The following FGF13 variants were observed in gnomAD, a reference collection of about 807,000 sequenced individuals.
FGF13 encodes the protein fibroblast growth factor homologous factor 2.
In FGF13, 2 loss-of-function variants were observed where a neutral mutation model predicts 19.5. That is an observed-to-expected ratio of 0.10 (90% CI 0.04 to 0.32). FGF13 has a LOEUF of 0.32. Among genes scored for constraint, FGF13 ranks in the 10% least tolerant of loss-of-function variants. The probability of loss-of-function intolerance (pLI) is 1.00; values close to 1 mark genes in which losing one functional copy is unlikely to be tolerated. For synonymous variants in FGF13, 72 were observed against 76.9 expected (o/e 0.94, Z 0.33); for missense variants, 113 against 192.7 (o/e 0.59, Z 2.45).
chrX:138,811,038 G>A lies in FGF13; in HGVS notation c.217+46474C>T, dbSNP rs193251883. Among the ~76,000 whole-genome samples, 244 of 112,198 alleles carry A rather than the reference G, an allele frequency of 2.2e-3. 2 individuals are homozygous for A. The highest frequency in any genetic ancestry group is 6.9e-3 in the African/African-American group (212 of 30,865). On this transcript the variant is annotated intron_variant, in intron 3 of 6. Coordinates refer to the FGF13 transcript ENST00000436198. ...CAACCATTGTGGAAGACAGTGTGGC[G>A]ATTCCTTAAGGATCTAGAACTAGAA...
At chrX:138,902,973 T>A in intron 1 of FGF13, among the ~76,000 whole-genome samples, 1 of 111,113 alleles carries the variant, frequency 9.0e-6, no homozygotes, top group Non-Finnish European at 1.9e-5. Flanking sequence ...GAAAAAAAGA[T>A]CTAAAGTTTA....
chrX:138,942,534 G>T (rs1210124233), intron 1 of FGF13, among the ~76,000 whole-genome samples: 1 of 111,844 alleles, frequency 8.9e-6, no homozygotes, highest in Non-Finnish European at 1.9e-5. Context: ...AGCAATAAGA[G>T]AATGTCCTTT....
chrX:138,982,668 A>C (rs1182859291), intron 1 of FGF13, among the ~76,000 whole-genome samples: 1 of 112,154 alleles, frequency 8.9e-6, no homozygotes, highest in Non-Finnish European at 1.9e-5. Flanking sequence ...ACTTTAATAC[A>C]CATGATTTAG....
intron 1 of FGF13, among the ~76,000 whole-genome samples, chrX:138,893,311 C>T (rs768695922): frequency 3.0e-4 from 33 of 111,643 alleles, no homozygotes; most frequent in Non-Finnish European, 5.3e-4. Context: ...AATTGATACA[C>T]GAGGCTTGTC....
intron 1 of FGF13, among the ~76,000 whole-genome samples, chrX:139,083,594 G>A (rs918349374): frequency 1.3e-4 from 15 of 111,204 alleles, no homozygotes; most frequent in Admixed American, 4.8e-4. Context: ...AGGGAGGGCC[G>A]GGCACAGTGG....
chrX:138,808,007 C>A (rs1427412084), intron 3 of FGF13, among the ~76,000 whole-genome samples: 3 of 111,343 alleles, frequency 2.7e-5, no homozygotes, highest in African/African-American at 9.8e-5. Context: ...CTTTAACACC[C>A]CACTGTCAAC....
At chrX:138,934,820 T>C (rs2091723134) in intron 1 of FGF13, among the ~76,000 whole-genome samples, 1 of 111,612 alleles carries the variant, frequency 9.0e-6, no homozygotes, top group African/African-American at 3.3e-5. Flanking sequence ...AGCAAGGCAG[T>C]AGTCATTAGC....
intron 3 of FGF13, among the ~76,000 whole-genome samples, chrX:138,852,003 G>A (rs1303626997): frequency 1.8e-5 from 2 of 111,260 alleles, no homozygotes; most frequent in Non-Finnish European, 3.8e-5. Context: ...TAGGAATACA[G>A]CTAACAAGGG....
intron 3 of FGF13, among the ~76,000 whole-genome samples, chrX:138,772,424 C>T (rs1015868497): frequency 3.6e-5 from 4 of 109,715 alleles, no homozygotes; most frequent in African/African-American, 1.3e-4. Flanking sequence ...TGAACTTTAC[C>T]CTCAAGGCTG....
chrX:138,797,157 T>C (rs1037109058), intron 3 of FGF13, among the ~76,000 whole-genome samples: 5 of 111,994 alleles, frequency 4.5e-5, no homozygotes, highest in African/African-American at 1.6e-4. Flanking sequence ...TGGTATTGCC[T>C]AGGTTTTCTG....
intron 1 of FGF13, among the ~76,000 whole-genome samples, chrX:138,869,139 T>G (rs942606602): frequency 9.0e-6 from 1 of 111,583 alleles, no homozygotes; most frequent in Non-Finnish European, 1.9e-5. Flanking sequence ...GCTCTTCTTT[T>G]CCTTCCTGCC....
chrX:139,204,468 A>G (rs766637989), upstream of FGF13, among the ~76,000 whole-genome samples: 3 of 111,717 alleles, frequency 2.7e-5, no homozygotes, highest in South Asian at 7.3e-4. Flanking sequence ...CACGCTCGCA[A>G]CCCCCGGGGC....
intron 2 of FGF13, among the ~76,000 whole-genome samples, chrX:138,703,422 G>A (rs1048391765): frequency 3.6e-5 from 4 of 112,032 alleles, no homozygotes; most frequent in African/African-American, 1.3e-4. Context: ...CAGTGTTGGA[G>A]GTGGGGAATC....
chrX:138,643,808 G>A (rs1335961974), intron 3 of FGF13, among the ~76,000 whole-genome samples: 1 of 111,271 alleles, frequency 9.0e-6, no homozygotes, highest in East Asian at 2.8e-4. Context: ...CAGTATATTG[G>A]TTTTTTTAAT....
At chrX:138,646,650 G>A (rs190415927) in intron 3 of FGF13, among the ~76,000 whole-genome samples, 1 of 112,049 alleles carries the variant, frequency 8.9e-6, no homozygotes, top group East Asian at 2.8e-4. Context: ...CTGAGTTTGG[G>A]CACATGTTGG....
At chrX:138,999,541 GATA>G (rs2092062277) in intron 1 of FGF13, among the ~76,000 whole-genome samples, 1 of 111,962 alleles carries the variant, frequency 8.9e-6, no homozygotes, top group Non-Finnish European at 1.9e-5. Context: ...ACTACCATCA[GATA>G]ATAATATAAA....
intron 3 of FGF13, among the ~76,000 whole-genome samples, chrX:138,694,262 G>A: frequency 9.0e-6 from 1 of 111,059 alleles, no homozygotes; most frequent in Non-Finnish European, 1.9e-5. Context: ...CCTACTCATG[G>A]TATGAAATTA....
intron 1 of FGF13, among the ~76,000 whole-genome samples, chrX:138,921,466 CA>C (rs1014750081): frequency 8.9e-6 from 1 of 111,749 alleles, no homozygotes; most frequent in African/African-American, 3.3e-5. Flanking sequence ...GTGTTACTGA[CA>C]ATGTTGATTG....
At chrX:138,938,361 G>C (rs1383099714) in intron 1 of FGF13, among the ~76,000 whole-genome samples, 1 of 111,910 alleles carries the variant, frequency 8.9e-6, no homozygotes, top group Non-Finnish European at 1.9e-5. Flanking sequence ...GACACAAAGA[G>C]TAAGTCCTTC....
Sources: allele counts gnomAD v4.1 joint callset (sites outside exome capture counted in the v4.1 genomes callset), GRCh38; gene constraint gnomAD v4.1.1; transcripts MANE v1.5; gene names NCBI Gene and HGNC (gene_info 2026-07-23, HGNC 2026-07-21).